ARSK: variants seen among roughly 807,000 people sequenced by gnomAD.
The protein encoded by ARSK is arylsulfatase K.
A neutral mutation model predicts 53.2 loss-of-function variants in ARSK; 37 were observed. The observed-to-expected ratio is 0.70, with a 90% confidence interval of 0.54 to 0.92. The LOEUF (loss-of-function observed/expected upper bound fraction) is 0.92. Among genes scored for constraint, ARSK ranks in the 40% least tolerant of loss-of-function variants. The pLI, the probability that ARSK is intolerant of heterozygous loss-of-function variation, is 0.00. For missense variants in ARSK, 613 were observed against 643.0 expected, an observed-to-expected ratio of 0.95 and a Z score of 0.51; for synonymous variants, 208 against 223.2, an observed-to-expected ratio of 0.93 and a Z score of 0.61.
chr5:95,574,068 A>C (rs1407640659), intron 3 of ARSK, among the ~76,000 whole-genome samples: 6 of 151,940 alleles, frequency 3.9e-5, no homozygotes, highest in Admixed American at 3.9e-4. Context: ...TTTAATTTTC[A>C]GCTCCCACAA....
intron 1 of ARSK, among the ~76,000 whole-genome samples, chr5:95,561,241 G>A (rs1748630706): frequency 2.6e-5 from 4 of 152,220 alleles, no homozygotes; most frequent in Admixed American, 2.6e-4. Context: ...TATACCCACT[G>A]GGATGGTTAT....
chr5:95,597,704 G>A (rs146858801), intron 6 of ARSK, among the ~76,000 whole-genome samples: 1 of 152,160 alleles, frequency 6.6e-6, no homozygotes, highest in African/African-American at 2.4e-5. Flanking sequence ...GACCAGCCTG[G>A]CCAACATGGT....
chr5:95,594,711 G>A (rs975222284), intron 6 of ARSK, among the ~76,000 whole-genome samples: 1 of 152,092 alleles, frequency 6.6e-6, no homozygotes, highest in Non-Finnish European at 1.5e-5. Flanking sequence ...GTGGTGGCAG[G>A]CGCCTGTAGT....
intron 7 of ARSK, among the ~76,000 whole-genome samples, chr5:95,602,490 G>C (rs543336453): frequency 1.3e-5 from 2 of 152,014 alleles, no homozygotes; most frequent in Non-Finnish European, 2.9e-5. Flanking sequence ...GGGGCCTCTT[G>C]GCTACTGCAC....
chr5:95,601,902 T>A (rs938137113), intron 7 of ARSK, among the ~76,000 whole-genome samples: 2 of 152,196 alleles, frequency 1.3e-5, no homozygotes, highest in African/African-American at 4.8e-5. Flanking sequence ...GCTTGTTCAT[T>A]GGCCATTGTC....
Position 95,555,224 on chromosome 5 carries a change from A to G in ARSK, c.-55A>G. ...CCCTGCCCTGCTCTGCTAGGGAGAG[A>G]ACGCCAGAGGGAGGCGGCTGGCCCG... On this transcript the variant is annotated 5_prime_UTR_variant, in exon 1 of 8. Transcript: ENST00000380009. This position sits in a 1 kb window ranked among gnomAD's most constrained non-coding sequence, Gnocchi z 4.0. 4 of 1,521,978 alleles carry G rather than the reference A, an allele frequency of 2.6e-6. No homozygotes were observed. The highest frequency in any genetic ancestry group is 3.5e-6 in the Non-Finnish European group (4 of 1,130,040). 94.3% of individuals were successfully genotyped at this position (1,521,978 alleles called of 1,614,324 possible).
At chr5:95,567,560 CA>C (rs1748745635) in intron 2 of ARSK, among the ~76,000 whole-genome samples, 1 of 152,114 alleles carries the variant, frequency 6.6e-6, no homozygotes, top group African/African-American at 2.4e-5. Context: ...GAAAATTAAC[CA>C]ATAAATACTT....
intron 1 of ARSK, among the ~76,000 whole-genome samples, chr5:95,565,593 T>C: frequency 6.6e-6 from 1 of 152,220 alleles, no homozygotes; most frequent in East Asian, 1.9e-4. Flanking sequence ...TTTGTAATTA[T>C]TCATAGTTTA....
At chr5:95,570,401 A>G (rs1451026605) in intron 3 of ARSK, among the ~76,000 whole-genome samples, 3 of 152,228 alleles carry the variant, frequency 2.0e-5, no homozygotes, top group Non-Finnish European at 4.4e-5. Context: ...TCAGAAAGAA[A>G]GGGAGGGAGA....
intron 1 of ARSK, among the ~76,000 whole-genome samples, chr5:95,559,007 G>A (rs1012333605): frequency 8.5e-5 from 13 of 152,162 alleles, no homozygotes; most frequent in Admixed American, 6.5e-4. Flanking sequence ...CAGGCGTGGT[G>A]GCAGGCACCT....
chr5:95,569,745 G>A (rs1429221552), intron 3 of ARSK, among the ~76,000 whole-genome samples: 1 of 152,200 alleles, frequency 6.6e-6, no homozygotes, highest in African/African-American at 2.4e-5. Flanking sequence ...TATTCTGACA[G>A]TTCTAGGAGA....
chr5:95,577,494 C>A (rs1222060224), intron 3 of ARSK, among the ~76,000 whole-genome samples: 1 of 152,184 alleles, frequency 6.6e-6, no homozygotes, highest in Non-Finnish European at 1.5e-5. Flanking sequence ...TCTCATTAAG[C>A]ACCTGCCTGG....
intron 6 of ARSK, among the ~76,000 whole-genome samples, chr5:95,592,998 GT>G (rs975142431): frequency 6.6e-6 from 1 of 151,244 alleles, no homozygotes; most frequent in Admixed American, 6.6e-5. Flanking sequence ...TCATTTCTGT[GT>G]TTTTTTTAAA....
chr5:95,582,933 G>T lies in ARSK; in HGVS notation c.434G>T (p.Trp145Leu). Residue 145 changes from tryptophan (W) to leucine (L), a missense_variant, in exon 4 of 8, where the codon TGG (tryptophan) becomes TTG (leucine). Transcript: ENST00000380009. ...HHSISNRVEA[W>L]TRDVAFLLRQ... ...CCCCTCAGTAATCGTGTGGAAGCGT[G>T]GACAAGAGATGTTGCTTTCTTACTC... 1 of 1,608,644 alleles carries T rather than the reference G, an allele frequency of 6.2e-7. No homozygotes were observed. The highest frequency in any genetic ancestry group is 2.2e-5 in the East Asian group (1 of 44,802).
intron 3 of ARSK, among the ~76,000 whole-genome samples, chr5:95,575,306 C>G (rs143963290): frequency 5.3e-5 from 8 of 152,176 alleles, no homozygotes; most frequent in Non-Finnish European, 2.9e-5. Flanking sequence ...TCTTTTTGCT[C>G]AGCATAGCTT....
chr5:95,591,479 T>C lies in ARSK; in HGVS notation c.950T>C (p.Leu317Pro), dbSNP rs1406102650. ...ATATACTCCTCAGACCATGGAGAGC[T>C]GGCCATGGAACATCGACAGTTTTAT... is the stretch of plus-strand genomic sequence containing the variant. ...IVIYSSDHGE[L>P]AMEHRQFYKM... The change falls in exon 6 of 8, where the codon CTG (leucine) becomes CCG (proline). Residue 317 changes from leucine (L) to proline (P), a missense_variant. By Grantham distance (98) the Leu-to-Pro change is moderately conservative. Coordinates refer to ENST00000380009, the MANE Select transcript of ARSK (RefSeq NM_198150.3). 1.3e-5 allele frequency: 21 copies of C among 1,614,152 alleles called. No homozygotes were observed. The highest frequency in any genetic ancestry group is 1.7e-5 in the Non-Finnish European group (20 of 1,179,990).
chr5:95,583,146 G>A lies in ARSK; in HGVS notation c.647G>A (p.Gly216Glu). 1 of 1,599,874 alleles carries A rather than the reference G, an allele frequency of 6.3e-7. No individual in the cohort carries two copies. Among genetic ancestry groups the A allele is most frequent in the Non-Finnish European group, 8.5e-7 (1 of 1,170,580 alleles). Residue 216 changes from glycine to glutamate, a missense_variant, in exon 4 of 8, where the codon GGA becomes GAA. Gly to Glu is a moderately conservative substitution (Grantham distance 98). Coordinates refer to ENST00000380009, the MANE Select transcript of ARSK (RefSeq NM_198150.3). The part of the protein sequence containing the change: ...LPHPYPSPSS[G>E]ENFGSSTFHT... ...CACCCTTACCCTTCACCATCTTCTGGAGAAAATTTTGGATCTTCAACATTT... is the reference window on the plus strand; with the variant it reads ...CACCCTTACCCTTCACCATCTTCTGAAGAAAATTTTGGATCTTCAACATTT...
intron 1 of ARSK, among the ~76,000 whole-genome samples, chr5:95,558,079 A>G (rs1205221472): frequency 6.6e-6 from 1 of 152,210 alleles, no homozygotes; most frequent in South Asian, 2.1e-4. Context: ...CAGTTATGGT[A>G]TCTCACCAAA....
chr5:95,582,474 C>A (rs1242860070), intron 3 of ARSK, among the ~76,000 whole-genome samples: 2 of 151,936 alleles, frequency 1.3e-5, no homozygotes, highest in Non-Finnish European at 2.9e-5. Context: ...ACTTCAGCAA[C>A]ACATGAAGTA....
Sources: gnomAD v4.1 joint callset for allele counts (sites outside exome capture counted in the v4.1 genomes callset) on GRCh38, gnomAD v4.1.1 for gene constraint, Gnocchi (gnomAD v3.1) non-coding constraint, MANE v1.5 for transcripts, NCBI Gene and HGNC (gene_info 2026-07-23, HGNC 2026-07-21) for gene names.